NID2: variants seen among roughly 807,000 people sequenced by gnomAD.
NID2 encodes the protein nidogen 2, also known as nidogen-2.
NID2 carries 83 observed loss-of-function variants against 145.4 expected under a neutral mutation model. That is an observed-to-expected ratio of 0.57 (90% CI 0.48 to 0.69). The LOEUF is 0.69. Among genes scored for constraint, NID2 ranks in the 30% least tolerant of loss-of-function variants. NID2 has a pLI of 0.00. For missense variants in NID2, 1,807 were observed against 1,765.7 expected (o/e 1.02, Z -0.42); for synonymous variants, 739 against 701.3 (o/e 1.05, Z -0.85).
intron 12 of NID2, among the ~76,000 whole-genome samples, chr14:52,021,650 C>T (rs1891404247): frequency 6.6e-6 from 1 of 152,178 alleles, no homozygotes. Context: ...AGTCCTCCCC[C>T]AAAAATTCTG....
At chr14:52,009,676 T>C (rs1890931877) in intron 18 of NID2, 2 of 152,124 alleles carry the variant, frequency 1.3e-5, no homozygotes, top group African/African-American at 4.8e-5. Flanking sequence ...ATGGCAGCTC[T>C]CCCCAGTTTT....
intron 3 of NID2, among the ~76,000 whole-genome samples, chr14:52,056,650 G>A (rs927564091): frequency 3.3e-5 from 5 of 152,062 alleles, no homozygotes; most frequent in Admixed American, 3.3e-4. Flanking sequence ...AAAATAGTCA[G>A]GTGTGATGGT....
rs1890727159 is a variant in NID2 at position 52,005,387 on chromosome 14, T to C, written c.*99A>G. The stretch of plus-strand genomic sequence containing the variant: ...ATCTTGGATGCTCAGGAACGTCTAA[T>C]GGCCAATTCCTTTTTTACTTTCTTT... On this transcript the variant is annotated 3_prime_UTR_variant, in exon 22 of 22. Coordinates refer to ENST00000216286, the MANE Select transcript of NID2 (RefSeq NM_007361.4). 8.2e-7 allele frequency: 1 copy of C among 1,225,970 alleles called. No homozygotes were observed. 75.9% of individuals were successfully genotyped at this position (1,225,970 alleles called of 1,614,324 possible).
At chr14:52,005,544 G>A (rs1890739407) in intron 21 of NID2, 48 bp from the exon 22 acceptor site, 1 of 1,581,804 alleles carries the variant, frequency 6.3e-7, no homozygotes, top group Non-Finnish European at 8.6e-7. Flanking sequence ...TGAGTATATT[G>A]TAACCAAGTT....
At chr14:52,010,341 A>C (rs4901177) in intron 18 of NID2, 2 of 152,322 alleles carry the variant, frequency 1.3e-5, no homozygotes, top group African/African-American at 4.8e-5. Flanking sequence ...TGAGACAGTG[A>C]ACAAATCCTG....
At chr14:52,006,360 AACATGAAAGG>A in intron 20 of NID2, 167 bp downstream of exon 20, 1 of 650,474 alleles carries the variant, frequency 1.5e-6, no homozygotes, top group South Asian at 2.0e-5. Flanking sequence ...TGATTTCAAA[AACATGAAAGG>A]ATGAAAAACA....
At chr14:52,008,521 T>C (rs944872621) in intron 18 of NID2, 3 of 152,304 alleles carry the variant, frequency 2.0e-5, no homozygotes, top group Non-Finnish European at 4.4e-5. Flanking sequence ...GGCAATTTCT[T>C]ACACAGCAGT....
intron 12 of NID2, among the ~76,000 whole-genome samples, chr14:52,022,850 G>A (rs2140365939): frequency 6.6e-6 from 1 of 152,130 alleles, no homozygotes; most frequent in East Asian, 1.9e-4. Context: ...CTTCACCACT[G>A]CCCACTTGCC....
At chr14:52,026,976 C>G (rs548195712) in intron 12 of NID2, among the ~76,000 whole-genome samples, 1 of 152,222 alleles carries the variant, frequency 6.6e-6, no homozygotes, top group South Asian at 2.1e-4. Context: ...GCTACAGGAA[C>G]GTCTCCGCCA....
At chr14:52,030,658 G>T (rs1891825283) in intron 9 of NID2, among the ~76,000 whole-genome samples, 1 of 149,966 alleles carries the variant, frequency 6.7e-6, no homozygotes, top group Non-Finnish European at 1.5e-5. Context: ...GAGAAAGAAA[G>T]AAAGAAAAAG....
At chr14:52,036,390 T>C (rs920045677) in intron 9 of NID2, among the ~76,000 whole-genome samples, 1 of 152,226 alleles carries the variant, frequency 6.6e-6, no homozygotes, top group African/African-American at 2.4e-5. Flanking sequence ...TATGAATATA[T>C]TTTTTGGTGT....
intron 2 of NID2, among the ~76,000 whole-genome samples, chr14:52,065,552 G>A (rs1158690750): frequency 1.7e-5 from 2 of 120,280 alleles, no homozygotes; most frequent in African/African-American, 6.6e-5. Context: ...TGTGCACATT[G>A]TGCAGGTTAG....
chr14:52,037,543 G>C (rs10143490), intron 9 of NID2, among the ~76,000 whole-genome samples: 40,735 of 152,004 alleles, frequency 0.27, 6,032 homozygotes, highest in East Asian at 0.52. Context: ...CTTACGCCAG[G>C]ACCACACTGT....
chr14:52,053,552 T>G lies in NID2; in HGVS notation c.1429+27A>C, dbSNP rs200054165. The G allele has an allele frequency of 1.2e-5, 19 of 1,592,846 alleles. No homozygotes were observed. In the Admixed American group the frequency reaches 2.7e-4, roughly 23 times the overall value. Reference sequence around the variant, plus strand: ...AACCAGCATGGTTAAGATGAAACCTTAGCACCCAGTTTTCTAATGCACTCA... The same window carrying G: ...AACCAGCATGGTTAAGATGAAACCTGAGCACCCAGTTTTCTAATGCACTCA... On this transcript the variant is annotated intron_variant, in intron 5 of 21. Transcript: ENST00000216286.
chr14:52,006,615 C>T lies in NID2; in HGVS notation c.3926G>A (p.Arg1309His), dbSNP rs140379779. 28 of 1,613,848 alleles carry T rather than the reference C, an allele frequency of 1.7e-5. No homozygotes were observed. The African/African-American group carries it at 3.3e-4, about 19-fold the overall frequency. ...GTACTTGAGGTTGTTTTGAATGACA[C>T]GCCGTCCAGTTCCATCAGGTAGTGT... Reference protein sequence around the residue: ...ECTLPDGTGRRVIQNNLKYPF... With the variant: ...ECTLPDGTGRHVIQNNLKYPF... Residue 1309 changes from arginine to histidine, a missense_variant, in exon 20 of 22, where the codon CGT (arginine) becomes CAT (histidine). Transcript: ENST00000216286.
At chr14:52,061,002 T>C (rs1272531247) in intron 2 of NID2, among the ~76,000 whole-genome samples, 2 of 152,190 alleles carry the variant, frequency 1.3e-5, no homozygotes, top group Admixed American at 6.5e-5. Context: ...AAGTATGTGG[T>C]GGTGGGCCAG....
rs79453690 is a variant in NID2, at chr14:52,038,183, G to A, written c.2257+564C>T. Among the ~76,000 whole-genome samples the A allele has an allele frequency of 5.0e-3, 764 of 152,290 alleles. 8 individuals are homozygous for A. Among genetic ancestry groups the A allele is most frequent in the African/African-American group, 0.017 (699 of 41,556 alleles). On this transcript the variant is annotated intron_variant, in intron 9 of 21. Transcript: ENST00000216286. ...ATCCTTGTCTTGTTCCTAAGCTTCA[G>A]GGAAAAGCATCCAGTCTTTCACCAT...
chr14:52,022,061 T>C (rs1211085079), intron 12 of NID2, among the ~76,000 whole-genome samples: 1 of 152,218 alleles, frequency 6.6e-6, no homozygotes, highest in Non-Finnish European at 1.5e-5. Context: ...GAAGCAGGAA[T>C]TCCTGAGACA....
At chr14:52,048,275 G>A (rs111682187) in intron 5 of NID2, among the ~76,000 whole-genome samples, 1 of 152,168 alleles carries the variant, frequency 6.6e-6, no homozygotes, top group East Asian at 1.9e-4. Context: ...TAATACAGAC[G>A]CACAGCAGCC....
Sources: gnomAD v4.1 joint callset for allele counts (sites outside exome capture counted in the v4.1 genomes callset) on GRCh38, gnomAD v4.1.1 for gene constraint, MANE v1.5 for transcripts, NCBI Gene and HGNC (gene_info 2026-07-23, HGNC 2026-07-21) for gene names.